The following SMAD2 variants were observed in gnomAD, a reference collection of about 807,000 sequenced individuals.
The protein encoded by SMAD2 is MAD homolog 2.
SMAD2 carries 8 observed loss-of-function variants against 64.4 expected under a neutral mutation model. The ratio of observed to expected loss-of-function variants is 0.12; its 90% CI spans 0.07 to 0.22. The LOEUF (loss-of-function observed/expected upper bound fraction) is 0.22. SMAD2 is among the 10% of genes least tolerant of loss of function. SMAD2 has a pLI of 1.00. For synonymous variants in SMAD2, 203 were observed against 195.8 expected (o/e 1.04, Z -0.31); for missense variants, 289 against 561.2 (o/e 0.51, Z 4.90).
chr18:47,888,009 A>G (rs1054737697), intron 2 of SMAD2, among the ~76,000 whole-genome samples: 1 of 152,230 alleles, frequency 6.6e-6, no homozygotes. Flanking sequence ...CATGTTCTGC[A>G]TGAACACTAT....
intron 1 of SMAD2, among the ~76,000 whole-genome samples, chr18:47,904,801 G>T (rs942916027): frequency 2.0e-5 from 3 of 152,166 alleles, no homozygotes; most frequent in African/African-American, 7.2e-5. Flanking sequence ...GAGAAAAAAG[G>T]TATCTGAAAA....
intron 6 of SMAD2, among the ~76,000 whole-genome samples, chr18:47,852,803 C>T (rs9946556): frequency 0.57 from 87,057 of 151,908 alleles, 25,326 homozygotes; most frequent in East Asian, 0.82. Flanking sequence ...GGGGCACAAA[C>T]ATACAAAATA....
At chr18:47,879,010 C>T (rs2032428774) in intron 2 of SMAD2, among the ~76,000 whole-genome samples, 1 of 152,154 alleles carries the variant, frequency 6.6e-6, no homozygotes, top group Non-Finnish European at 1.5e-5. Flanking sequence ...CTGGTGCACA[C>T]CTATGCTCCT....
At chr18:47,903,602 G>A (rs929080238) in intron 1 of SMAD2, among the ~76,000 whole-genome samples, 4 of 151,832 alleles carry the variant, frequency 2.6e-5, no homozygotes, top group South Asian at 4.2e-4. Context: ...CAAGATACAG[G>A]GAGTAGCAAA....
At chr18:47,880,970 C>T (rs1036475690) in intron 2 of SMAD2, among the ~76,000 whole-genome samples, 2 of 152,144 alleles carry the variant, frequency 1.3e-5, no homozygotes, top group African/African-American at 4.8e-5. Context: ...CCTCACTCTC[C>T]AATAGTTGTG....
chr18:47,928,078 A>G (rs1327652924), intron 1 of SMAD2, among the ~76,000 whole-genome samples: 1 of 152,152 alleles, frequency 6.6e-6, no homozygotes, highest in African/African-American at 2.4e-5. Flanking sequence ...CAAAAGACTA[A>G]GAATCTAAAA....
At chr18:47,914,966 G>A (rs2034278501) in intron 1 of SMAD2, among the ~76,000 whole-genome samples, 1 of 152,068 alleles carries the variant, frequency 6.6e-6, no homozygotes, top group South Asian at 2.1e-4. Context: ...ATTATCTATT[G>A]ATAAGTTGCA....
At position 47,832,732 on chromosome 18, in the gene SMAD2, T is replaced by G. The variant is rs1244861877; in HGVS notation, c.*9095A>C. 6.6e-6 allele frequency: 1 copy of G among 152,282 alleles called. No homozygotes were observed. Among genetic ancestry groups the G allele is most frequent in the Middle Eastern group, 3.4e-3 (1 of 294 alleles). The allele number at this position is 152,282 out of a possible 1,614,324, so 9.4% of individuals were successfully genotyped here. On this transcript the variant is annotated 3_prime_UTR_variant, in exon 11 of 11. Transcript: ENST00000262160. ...TGTTAAAAGTATATTTCAGCAAATT[T>G]CAACTTTGAAGATGTTTTTGTTTAC...
At chr18:47,909,485 G>A (rs1034653002) in intron 1 of SMAD2, among the ~76,000 whole-genome samples, 2 of 152,148 alleles carry the variant, frequency 1.3e-5, no homozygotes, top group African/African-American at 4.8e-5. Flanking sequence ...GCAGGCGCAA[G>A]TGCTGTATTC....
Position 47,841,667 on chromosome 18 carries a change from T to C in SMAD2, c.*160A>G, listed in dbSNP as rs184794140. The C allele has an allele frequency of 4.2e-5, 31 of 730,702 alleles. 1 individual carries two copies. The East Asian group carries it at 4.3e-4, about 10-fold the overall frequency. The allele number at this position is 730,702 out of a possible 1,614,324, so 45.3% of individuals were successfully genotyped here. A position where few individuals can be genotyped will look rare whatever the true frequency, so the allele number is the denominator to read the frequency against. Reference sequence around the variant, plus strand: ...AATTTTCCCATCTAATATTCAAATATAGGAAACAGATTCCACAAGGTGCTT... The same window carrying C: ...AATTTTCCCATCTAATATTCAAATACAGGAAACAGATTCCACAAGGTGCTT... On this transcript the variant is annotated 3_prime_UTR_variant, in exon 11 of 11. Coordinates refer to ENST00000262160, the MANE Select transcript of SMAD2 (RefSeq NM_005901.6).
intron 2 of SMAD2, among the ~76,000 whole-genome samples, chr18:47,879,146 A>G (rs1482250140): frequency 6.6e-6 from 1 of 152,238 alleles, no homozygotes; most frequent in African/African-American, 2.4e-5. Context: ...AAAGCTGCAG[A>G]TAACACAAAT....
chr18:47,914,474 G>A (rs1188894597), intron 1 of SMAD2, among the ~76,000 whole-genome samples: 1 of 152,122 alleles, frequency 6.6e-6, no homozygotes, highest in African/African-American at 2.4e-5. Flanking sequence ...ATACCCTGAC[G>A]TAATACAGAG....
chr18:47,928,496 T>C (rs1035620824), intron 1 of SMAD2, among the ~76,000 whole-genome samples: 5 of 152,204 alleles, frequency 3.3e-5, no homozygotes, highest in Admixed American at 6.5e-5. Context: ...AAACAACCTT[T>C]GTTCCTACTA....
In SMAD2 at chr18:47,848,690, GAAAAAGAA is replaced by G; in HGVS notation, c.785-11_785-4del. On this transcript the variant is annotated splice_region_variant and splice_polypyrimidine_tract_variant and intron_variant, in intron 7 of 10. Coordinates refer to ENST00000262160, the MANE Select transcript of SMAD2 (RefSeq NM_005901.6). Reference sequence around the variant, plus strand: ...TGAGTAAGTAACTGGCTGTAAATCTGAAAAAGAAAAAAATAAAAAAATAATAAAAGGAA... The same window carrying G: ...TGAGTAAGTAACTGGCTGTAAATCTGAAAAATAAAAAAATAATAAAAGGAA... The G allele has an allele frequency of 6.3e-7, 1 of 1,590,512 alleles. No homozygotes were observed. Among genetic ancestry groups the G allele is most frequent in the Non-Finnish European group, 8.6e-7 (1 of 1,163,772 alleles).
In SMAD2 at chr18:47,837,149, T is replaced by C. The variant is rs182351003; in HGVS notation, c.*4678A>G. On this transcript the variant is annotated 3_prime_UTR_variant, in exon 11 of 11. Transcript: ENST00000262160. ...TTTTGAGCCATTTGTAAAATTAAAA[T>C]GATTGATCAATTTGAATAGCAACCT... 210 of 202,812 alleles carry C rather than the reference T, an allele frequency of 1.0e-3. No individual in the cohort carries two copies. Among genetic ancestry groups the C allele is most frequent in the African/African-American group, 4.5e-3 (195 of 43,766 alleles). 12.6% of individuals were successfully genotyped at this position (202,812 alleles called of 1,614,324 possible).
chr18:47,908,887 C>T (rs2034011768), intron 1 of SMAD2, among the ~76,000 whole-genome samples: 1 of 152,134 alleles, frequency 6.6e-6, no homozygotes, highest in African/African-American at 2.4e-5. Flanking sequence ...TAAGCCTTGA[C>T]TAATACCATG....
rs770998557 is a variant in SMAD2, at chr18:47,865,047, CA to C, written c.730+11del. ...CTAATAACTGAGGAATTTTCAAAGA[CA>C]TTTTTTTTACCTGTGTCCATACTTT... On this transcript the variant is annotated intron_variant, in intron 6 of 10. Coordinates refer to ENST00000262160, the MANE Select transcript of SMAD2 (RefSeq NM_005901.6). 8.6e-6 allele frequency: 13 copies of C among 1,512,154 alleles called. No individual in the cohort carries two copies. The highest frequency in any genetic ancestry group is 4.2e-5 in the African/African-American group (3 of 71,146). The allele number at this position is 1,512,154 out of a possible 1,614,324, so 93.7% of individuals were successfully genotyped here. A position where few individuals can be genotyped will look rare whatever the true frequency, so the allele number is the denominator to read the frequency against.
rs1760997018 is a variant in SMAD2, at chr18:47,811,479, A to AAG, written c.*30347_*30348insCT. 6.6e-6 allele frequency: 1 copy of AAG among 151,976 alleles called. No homozygotes were observed. Among genetic ancestry groups the AAG allele is most frequent in the East Asian group, 1.9e-4 (1 of 5,176 alleles). 9.4% of individuals were successfully genotyped at this position (151,976 alleles called of 1,614,324 possible). A position where few individuals can be genotyped will look rare whatever the true frequency, so the allele number is the denominator to read the frequency against. On this transcript the variant is annotated 3_prime_UTR_variant, in exon 11 of 11. Transcript: ENST00000262160. ...AGCGAGACCTCGTCTCAAAAAAAAA[A>AAG]AAAAAAAAAAGAAAAAGAAATAAGG... is the stretch of plus-strand genomic sequence containing the variant.
At position 47,826,809 on chromosome 18, in the gene SMAD2, A is replaced by C. The variant is rs1181363692; in HGVS notation, c.*15018T>G. On this transcript the variant is annotated 3_prime_UTR_variant, in exon 11 of 11. Transcript: ENST00000262160. ...ATTTGTTATTAGCAAAGACCTTCAG[A>C]GTAACCTTTGCCTGGTATTCTAGAC... 1 of 152,192 alleles carries C rather than the reference A, an allele frequency of 6.6e-6. No homozygotes were observed. The highest frequency in any genetic ancestry group is 1.5e-5 in the Non-Finnish European group (1 of 68,026). The allele number at this position is 152,192 out of a possible 1,614,324, so 9.4% of individuals were successfully genotyped here. A position where few individuals can be genotyped will look rare whatever the true frequency, so the allele number is the denominator to read the frequency against.
Sources: gnomAD v4.1 joint callset for allele counts (sites outside exome capture counted in the v4.1 genomes callset) on GRCh38, gnomAD v4.1.1 for gene constraint, MANE v1.5 for transcripts, NCBI Gene and HGNC (gene_info 2026-07-23, HGNC 2026-07-21) for gene names.